PKD1L3: variants seen among roughly 807,000 people sequenced by gnomAD.
PKD1L3 encodes polycystin 1 like 3, transient receptor potential channel interacting.
PKD1L3 carries 239 observed loss-of-function variants against 184.1 expected under a neutral mutation model. That is an observed-to-expected ratio of 1.30 (90% CI 1.17 to 1.45). The LOEUF (loss-of-function observed/expected upper bound fraction) is 1.45, where lower values mean the gene tolerates loss of function less well. Ranked by LOEUF, PKD1L3 falls within the 40% of genes most tolerant of loss-of-function variation. The probability of loss-of-function intolerance (pLI) is 0.00; values close to 1 mark genes in which losing one functional copy is unlikely to be tolerated. For synonymous variants in PKD1L3, 996 were observed against 778.8 expected (o/e 1.28, Z -4.64); for missense variants, 2,660 against 2,067.2 (o/e 1.29, Z -5.56).
intron 7 of PKD1L3, among the ~76,000 whole-genome samples, chr16:71,981,671 G>A (rs2040163793): frequency 1.3e-5 from 2 of 151,406 alleles, no homozygotes; most frequent in South Asian, 4.2e-4. Flanking sequence ...CTCCTGAGTA[G>A]CTGGGATTAC....
chr16:71,987,819 T>C (rs767486366), intron 4 of PKD1L3, among the ~76,000 whole-genome samples: 24 of 152,004 alleles, frequency 1.6e-4, no homozygotes, highest in Non-Finnish European at 2.9e-4. Context: ...ACATTTTTGC[T>C]GAGTTGAATA....
chr16:71,959,318 G>A (rs1207679768), intron 16 of PKD1L3, among the ~76,000 whole-genome samples: 1 of 152,168 alleles, frequency 6.6e-6, no homozygotes, highest in Middle Eastern at 3.4e-3. Flanking sequence ...GCTGAGGCAG[G>A]AGAATCACTT....
chr16:71,977,608 G>A (rs1016380501), intron 10 of PKD1L3, 141 bp from the exon 11 acceptor site: 88 of 643,024 alleles, frequency 1.4e-4, no homozygotes, highest in Non-Finnish European at 4.4e-5. Context: ...TGTTGGCCAC[G>A]TTGGTCTTGA....
At chr16:71,972,340 C>T (rs535682424) in intron 12 of PKD1L3, among the ~76,000 whole-genome samples, 4 of 152,182 alleles carry the variant, frequency 2.6e-5, no homozygotes, top group Admixed American at 2.0e-4. Context: ...GCAGAGGTTG[C>T]GGTGAGCCGA....
chr16:71,931,525 C>T (rs999314975), intron 28 of PKD1L3, among the ~76,000 whole-genome samples: 4 of 130,702 alleles, frequency 3.1e-5, no homozygotes, highest in South Asian at 2.5e-4. Flanking sequence ...AGTGCAGTGG[C>T]GTGATCTTGG....
intron 2 of PKD1L3, among the ~76,000 whole-genome samples, 163 bp from the exon 3 acceptor site, chr16:71,993,495 C>T (rs1206158998): frequency 6.6e-6 from 1 of 152,214 alleles, no homozygotes; most frequent in African/African-American, 2.4e-5. Context: ...AGCCCTTTTG[C>T]TCTGCTCACA....
chr16:71,980,547 A>T (rs931742544), intron 7 of PKD1L3, among the ~76,000 whole-genome samples: 2 of 152,146 alleles, frequency 1.3e-5, no homozygotes, highest in African/African-American at 4.8e-5. Context: ...TAAAATAAAC[A>T]TGGTGGCCGG....
chr16:71,965,337 AAT>A (rs745709400), intron 15 of PKD1L3, among the ~76,000 whole-genome samples: 1 of 152,172 alleles, frequency 6.6e-6, no homozygotes, highest in Non-Finnish European at 1.5e-5. Flanking sequence ...AGCTGCTATG[AAT>A]ATATGTGTAC....
intron 25 of PKD1L3, among the ~76,000 whole-genome samples, chr16:71,936,098 A>C (rs552772829): frequency 2.0e-5 from 3 of 149,120 alleles, no homozygotes; most frequent in South Asian, 4.3e-4. Flanking sequence ...GCCCAGCAAA[A>C]ATTTCTAAAT....
rs989498876 is a variant in PKD1L3, at chr16:71,977,305, G to A, written c.1690C>T (p.Gln564Ter). The A allele has an allele frequency of 1.2e-5, 19 of 1,544,404 alleles. No homozygotes were observed. The highest frequency in any genetic ancestry group is 9.8e-5 in the Admixed American group (5 of 50,962). Residue 564 changes from glutamine (Q) to a stop codon, truncating the protein, a stop_gained, in exon 11 of 30, where the codon CAG (glutamine) becomes TAG (stop). Transcript: ENST00000620267. LOFTEE classifies it high-confidence loss of function. ...AAGTGAGTGCAGTTAGGCTGATACT[G>A]GAACCCCAGGTAGAGTGTCATTAAA... ...PLLMTLYLGF[Q>*]YQPNCTHFHL...
intron 6 of PKD1L3, among the ~76,000 whole-genome samples, chr16:71,983,663 C>CTTTTTTTTTTTTTTTTTTTTTTTTT (rs1180950058): frequency 6.0e-5 from 6 of 100,306 alleles, no homozygotes; most frequent in African/African-American, 1.9e-4. Context: ...GATTCTCTTT[C>CTTTTTTTTTTTTTTTTTTTTTTTTT]TTTTTTTTTT....
chr16:71,991,819 CAAA>C (rs1013593896), intron 3 of PKD1L3, among the ~76,000 whole-genome samples: 1 of 152,110 alleles, frequency 6.6e-6, no homozygotes, highest in African/African-American at 2.4e-5. Context: ...TTCTGAATTA[CAAA>C]AAACTTTTAC....
chr16:71,979,722 C>T, intron 9 of PKD1L3, 64 bp downstream of exon 9: 1 of 1,450,114 alleles, frequency 6.9e-7, no homozygotes, highest in Non-Finnish European at 9.1e-7. Flanking sequence ...ATTACTTTCA[C>T]CCAAATGCCT....
intron 2 of PKD1L3, among the ~76,000 whole-genome samples, chr16:71,995,034 G>T (rs1453621090): frequency 6.6e-6 from 1 of 152,096 alleles, no homozygotes; most frequent in African/African-American, 2.4e-5. Flanking sequence ...AATTGCTTTA[G>T]TCTGTTTTGC....
At chr16:71,984,500 C>T (rs2040282109) in intron 5 of PKD1L3, among the ~76,000 whole-genome samples, 1 of 152,194 alleles carries the variant, frequency 6.6e-6, no homozygotes. Flanking sequence ...CAAAACCAAA[C>T]TTTTCTATTC....
intron 23 of PKD1L3, among the ~76,000 whole-genome samples, chr16:71,943,553 A>C (rs867065309): frequency 1.3e-5 from 2 of 151,714 alleles, no homozygotes; most frequent in Admixed American, 6.6e-5. Flanking sequence ...AAAAAAAAAA[A>C]AAAAACATAA....
intron 22 of PKD1L3, among the ~76,000 whole-genome samples, chr16:71,945,916 C>T (rs181455306): frequency 6.6e-5 from 10 of 152,268 alleles, no homozygotes; most frequent in African/African-American, 2.4e-4. Context: ...GAGAAACCAA[C>T]AGTTCAGAAT....
At chr16:71,977,497 T>C (rs1023632838) in intron 10 of PKD1L3, 30 bp from the exon 11 acceptor site, 9 of 1,475,882 alleles carry the variant, frequency 6.1e-6, no homozygotes, top group Middle Eastern at 1.7e-4. Flanking sequence ...ATCATTATAA[T>C]GGTCCATCCA....
intron 13 of PKD1L3, 128 bp from the exon 14 acceptor site, chr16:71,968,135 G>A (rs2143593140): frequency 4.4e-6 from 3 of 689,566 alleles, no homozygotes; most frequent in Non-Finnish European, 7.2e-6. Context: ...GCAGGGCTGA[G>A]GTGTGGGCAG....
Sources: gnomAD v4.1 joint callset for allele counts (sites outside exome capture counted in the v4.1 genomes callset) on GRCh38, gnomAD v4.1.1 for gene constraint, MANE v1.5 for transcripts, NCBI Gene and HGNC (gene_info 2026-07-23, HGNC 2026-07-21) for gene names.